RPL28: variants seen among roughly 807,000 people sequenced by gnomAD.
RPL28 encodes the protein large ribosomal subunit protein eL28.
RPL28 carries 4 observed loss-of-function variants against 12.5 expected under a neutral mutation model. That is an observed-to-expected ratio of 0.32 (90% CI 0.16 to 0.73). The LOEUF (loss-of-function observed/expected upper bound fraction) is 0.73. Ranked by LOEUF, RPL28 falls within the 30% of genes least tolerant of loss-of-function variation. The probability of loss-of-function intolerance (pLI) is 0.66; values close to 1 mark genes in which losing one functional copy is unlikely to be tolerated. For missense variants in RPL28, 214 were observed against 197.7 expected, an observed-to-expected ratio of 1.08 and a Z score of -0.49; for synonymous variants, 91 against 72.5, an observed-to-expected ratio of 1.26 and a Z score of -1.30.
chr19:55,387,029 G>A, intron 3 of RPL28: 9 of 1,442,694 alleles, frequency 6.2e-6, no homozygotes, highest in Non-Finnish European at 8.2e-6. Context: ...CCCACAGGTG[G>A]GAAGATTGAG....
At chr19:55,395,628 A>G (rs1569045100), downstream of RPL28, among the ~76,000 whole-genome samples, 1 of 150,882 alleles carries the variant, frequency 6.6e-6, no homozygotes, top group Non-Finnish European at 1.5e-5. Context: ...TATTTTTAGT[A>G]GACATGGGGT....
chr19:55,391,004 T>G lies in RPL28; in HGVS notation c.*2672T>G. ...CATGATATTAAGAAAACAGGCAGGC[T>G]CACCATAGTAAAAATGCTGAAAGCC... On this transcript the variant is annotated 3_prime_UTR_variant, in exon 5 of 5. Transcript: ENST00000344063. 1 of 972,592 alleles carries G rather than the reference T, an allele frequency of 1.0e-6. No individual in the cohort carries two copies. The allele number at this position is 972,592 out of a possible 1,614,324, so 60.2% of individuals were successfully genotyped here. A position where few individuals can be genotyped will look rare whatever the true frequency, so the allele number is the denominator to read the frequency against.
chr19:55,403,064 C>A lies in RPL28; in HGVS notation c.446C>A (p.Thr149Lys), dbSNP rs538904218. 7 of 1,354,478 alleles carry A rather than the reference C, an allele frequency of 5.2e-6. No homozygotes were observed. The South Asian group carries it at 7.4e-5, about 14-fold the overall frequency. 83.9% of individuals were successfully genotyped at this position (1,354,478 alleles called of 1,614,324 possible). The change falls in exon 5 of 5, where the codon ACG (threonine) becomes AAG (lysine). Residue 149 changes from threonine (T) to lysine (K), a missense_variant. Thr to Lys is a moderately conservative substitution (Grantham distance 78). Coordinates refer to the RPL28 transcript ENST00000560055. ...TTCTGTGTCATGGAGCCATCTCGTA[C>A]GCTGCAGGATTTGGGCAGCACCCTT...
At chr19:55,397,426 CTGG>C (rs2090031216) in intron 4 of RPL28, among the ~76,000 whole-genome samples, 1 of 152,138 alleles carries the variant, frequency 6.6e-6, no homozygotes. Flanking sequence ...GTCTCCCAGG[CTGG>C]AGTGCAGTGG....
At chr19:55,392,472 ATCC>A (rs903009599), downstream of RPL28, among the ~76,000 whole-genome samples, 5 of 151,712 alleles carry the variant, frequency 3.3e-5, no homozygotes, top group African/African-American at 9.7e-5. Context: ...GGCACAAGCA[ATCC>A]TCCTGACTTC....
intron 4 of RPL28, chr19:55,401,483 C>T (rs1444111571): frequency 6.2e-7 from 1 of 1,608,886 alleles, no homozygotes; most frequent in Admixed American, 1.7e-5. Context: ...TTCTTGGCCG[C>T]CAGCTTCTTA....
At position 55,401,284 on chromosome 19, in the gene RPL28, G is replaced by T. The variant is rs914660436; in HGVS notation, c.325-1659G>T. 4.4e-6 allele frequency: 4 copies of T among 905,912 alleles called. No individual in the cohort carries two copies. The Admixed American group carries it at 8.4e-5, about 19-fold the overall frequency. 56.1% of individuals were successfully genotyped at this position (905,912 alleles called of 1,614,324 possible). A position where few individuals can be genotyped will look rare whatever the true frequency, so the allele number is the denominator to read the frequency against. On this transcript the variant is annotated intron_variant, in intron 4 of 4. Coordinates refer to the RPL28 transcript ENST00000560055. ...GGGGCATCTGTGAGACACAGAAGCT[G>T]CTTTTCCAACTTTATTTAGAAAAAC...
intron 4 of RPL28, chr19:55,402,938 T>C (rs1481977840): frequency 2.0e-6 from 3 of 1,523,562 alleles, no homozygotes; most frequent in Non-Finnish European, 2.6e-6. Flanking sequence ...TTTTTTTTTT[T>C]TCAGCTTGCG....
Position 55,388,697 on chromosome 19 carries a change from GCTGGGCC to G in RPL28, c.*377_*383del. The G allele has an allele frequency of 1.9e-6, 2 of 1,057,286 alleles. No homozygotes were observed. The highest frequency in any genetic ancestry group is 6.8e-5 in the East Asian group (1 of 14,634). 65.5% of individuals were successfully genotyped at this position (1,057,286 alleles called of 1,614,324 possible). On this transcript the variant is annotated 3_prime_UTR_variant, in exon 5 of 5. Coordinates refer to ENST00000344063, the MANE Select transcript of RPL28 (RefSeq NM_000991.5). Reference sequence around the variant, plus strand: ...TAGCCCAGAAGGGTGCAGGCTGAGGGCTGGGCCCTGGGCCCTGGTGCTGTAGCACGGT... The same window carrying G: ...TAGCCCAGAAGGGTGCAGGCTGAGGGCTGGGCCCTGGTGCTGTAGCACGGT...
At position 55,389,996 on chromosome 19, in the gene RPL28, G is replaced by A. The variant is rs1056665348; in HGVS notation, c.*1664G>A. The A allele has an allele frequency of 2.0e-6, 2 of 985,470 alleles. No individual in the cohort carries two copies. The highest frequency in any genetic ancestry group is 1.7e-5 in the African/African-American group (1 of 57,342). The allele number at this position is 985,470 out of a possible 1,614,324, so 61.0% of individuals were successfully genotyped here. ...AGCTCACTGCTCACGTTAGTAGATGGCCCCTTCTCGTGAGGCCTCTCCCCT... is the reference window on the plus strand; with the variant it reads ...AGCTCACTGCTCACGTTAGTAGATGACCCCTTCTCGTGAGGCCTCTCCCCT... On this transcript the variant is annotated 3_prime_UTR_variant, in exon 5 of 5. Coordinates refer to ENST00000344063, the MANE Select transcript of RPL28 (RefSeq NM_000991.5).
At chr19:55,402,711 G>C (rs1334293889) in intron 4 of RPL28, among the ~76,000 whole-genome samples, 2 of 152,214 alleles carry the variant, frequency 1.3e-5, no homozygotes, top group African/African-American at 4.8e-5. Context: ...GACAGGCCCA[G>C]ATGCTGACCT....
downstream of RPL28, among the ~76,000 whole-genome samples, chr19:55,396,922 C>T (rs1286368618): frequency 6.6e-6 from 1 of 151,376 alleles, no homozygotes. Context: ...CTCTATCGTC[C>T]AGGCTAGAGT....
chr19:55,403,246 T>G, exon 5 of RPL28: 1 of 597,488 alleles, frequency 1.7e-6, no homozygotes. Context: ...CTGAACTGTA[T>G]ACTTTGGAAC....
In RPL28 at chr19:55,391,902, C is replaced by T; in HGVS notation, c.*3570C>T. The T allele has an allele frequency of 7.5e-7, 1 of 1,328,788 alleles. No homozygotes were observed. Among genetic ancestry groups the T allele is most frequent in the Non-Finnish European group, 9.7e-7 (1 of 1,035,074 alleles). 82.3% of individuals were successfully genotyped at this position (1,328,788 alleles called of 1,614,324 possible). A position where few individuals can be genotyped will look rare whatever the true frequency, so the allele number is the denominator to read the frequency against. On this transcript the variant is annotated 3_prime_UTR_variant, in exon 5 of 5. Coordinates refer to ENST00000344063, the MANE Select transcript of RPL28 (RefSeq NM_000991.5). Reference sequence around the variant, plus strand: ...ATCCATGTGCAGTAATGCCTGGTGGCTCCAGGTCTGCCCCGCCGTCCTGTG... The same window carrying T: ...ATCCATGTGCAGTAATGCCTGGTGGTTCCAGGTCTGCCCCGCCGTCCTGTG...
chr19:55,393,428 A>G (rs536256899), downstream of RPL28, among the ~76,000 whole-genome samples: 5 of 152,238 alleles, frequency 3.3e-5, no homozygotes, highest in South Asian at 1.0e-3. Context: ...CTCCAAAAAA[A>G]GAAAAAGGTA....
rs2090073314 is a variant in RPL28, at chr19:55,403,098, C to G, written c.480C>G (p.His160Gln). ...ATTTGGGCAGCACCCTTGGCCTCCA[C>G]CCACTAGATGCTAGTGGCACCCCCG... The change falls in exon 5 of 5, where the codon CAC becomes CAG. Residue 160 changes from histidine (H) to glutamine (Q), a missense_variant. Transcript: ENST00000560055. 6.0e-6 allele frequency: 6 copies of G among 1,006,020 alleles called. No homozygotes were observed. The East Asian group carries it at 1.5e-4, about 26-fold the overall frequency. The allele number at this position is 1,006,020 out of a possible 1,614,324, so 62.3% of individuals were successfully genotyped here.
intron 3 of RPL28, chr19:55,387,462 TTTCA>T (rs2089943422): frequency 1.3e-6 from 2 of 1,487,514 alleles, no homozygotes; most frequent in East Asian, 4.9e-5. Flanking sequence ...TCCTGAAAGC[TTTCA>T]CCTCTTGGAT....
chr19:55,394,215 T>C (rs2090009032), downstream of RPL28, among the ~76,000 whole-genome samples: 1 of 152,096 alleles, frequency 6.6e-6, no homozygotes, highest in Non-Finnish European at 1.5e-5. Context: ...TGAGCCAAGA[T>C]CACGCCACTG....
chr19:55,391,305 C>G lies in RPL28; in HGVS notation c.*2973C>G. On this transcript the variant is annotated 3_prime_UTR_variant, in exon 5 of 5. Coordinates refer to ENST00000344063, the MANE Select transcript of RPL28 (RefSeq NM_000991.5). ...CCCAGCTGTGGGGACTTGGGCAGCTCGTTTAGTAGCACCGTGCCTCAGTTT... is the reference window on the plus strand; with the variant it reads ...CCCAGCTGTGGGGACTTGGGCAGCTGGTTTAGTAGCACCGTGCCTCAGTTT... 1.5e-6 allele frequency: 1 copy of G among 660,910 alleles called. No homozygotes were observed. 40.9% of individuals were successfully genotyped at this position (660,910 alleles called of 1,614,324 possible).
Sources: allele counts gnomAD v4.1 joint callset (sites outside exome capture counted in the v4.1 genomes callset), GRCh38; gene constraint gnomAD v4.1.1; transcripts MANE v1.5; gene names NCBI Gene and HGNC (gene_info 2026-07-23, HGNC 2026-07-21).